Variants in WDR7 observed in about 807,000 individuals in gnomAD.
WDR7 encodes WD repeat domain 7.
A neutral mutation model predicts 169.4 loss-of-function variants in WDR7; 46 were observed. The observed-to-expected ratio is 0.27, with a 90% confidence interval of 0.21 to 0.35. WDR7 has a LOEUF of 0.35. WDR7 is among the 10% of genes least tolerant of loss of function. The pLI, the probability that WDR7 is intolerant of heterozygous loss-of-function variation, is 1.00. For synonymous variants in WDR7, 612 were observed against 666.8 expected, an observed-to-expected ratio of 0.92 and a Z score of 1.27; for missense variants, 1,534 against 1,859.3, an observed-to-expected ratio of 0.83 and a Z score of 3.22.
chr18:56,882,341 T>A (rs2046120730), intron 21 of WDR7, among the ~76,000 whole-genome samples: 1 of 152,216 alleles, frequency 6.6e-6, no homozygotes. Flanking sequence ...GCTTTCAAAC[T>A]TTTTTGCTCA....
chr18:56,697,094 G>A (rs1324436902), intron 12 of WDR7, among the ~76,000 whole-genome samples: 1 of 151,996 alleles, frequency 6.6e-6, no homozygotes, highest in Non-Finnish European at 1.5e-5. Flanking sequence ...ATTAATCATG[G>A]GACTTATTCA....
intron 5 of WDR7, among the ~76,000 whole-genome samples, chr18:56,683,311 T>C (rs1376216320): frequency 1.3e-5 from 2 of 152,236 alleles, no homozygotes; most frequent in African/African-American, 4.8e-5. Context: ...GGGGCTGATA[T>C]GTACTTGATG....
chr18:56,792,688 T>A (rs1401055411), intron 19 of WDR7, among the ~76,000 whole-genome samples: 1 of 147,122 alleles, frequency 6.8e-6, no homozygotes, highest in Non-Finnish European at 1.5e-5. Context: ...TCTTTTGGGG[T>A]TCTATCTAGC....
intron 21 of WDR7, among the ~76,000 whole-genome samples, chr18:56,920,732 A>G (rs1464941461): frequency 2.0e-5 from 3 of 152,210 alleles, no homozygotes; most frequent in Admixed American, 6.5e-5. Flanking sequence ...ATTAGATTCT[A>G]TCTTATACAG....
intron 14 of WDR7, among the ~76,000 whole-genome samples, chr18:56,750,866 T>A (rs1416093769): frequency 6.6e-6 from 1 of 152,182 alleles, no homozygotes; most frequent in African/African-American, 2.4e-5. Context: ...CTCACAACTT[T>A]GCTGCATACC....
intron 26 of WDR7, among the ~76,000 whole-genome samples, chr18:56,994,016 C>CTTTTTTTT (rs35579782): frequency 3.1e-5 from 4 of 129,204 alleles, no homozygotes; most frequent in Non-Finnish European, 4.8e-5. Context: ...CTTTTTTTTT[C>CTTTTTTTT]TTTTTTTTTT....
Position 56,718,135 on chromosome 18 carries a change from G to A in WDR7, c.1750G>A (p.Val584Met). Reference sequence around the variant, plus strand: ...GGTGGTGGGGTGTTCAGATGGTTCTGTGTACGTCTGGCAAATGGATACTGG... The same window carrying A: ...GGTGGTGGGGTGTTCAGATGGTTCTATGTACGTCTGGCAAATGGATACTGG... Reference protein sequence around the residue: ...YLVVGCSDGSVYVWQMDTGAL... With the variant: ...YLVVGCSDGSMYVWQMDTGAL... Residue 584 changes from valine to methionine, a missense_variant, in exon 13 of 28, where the codon GTG (valine) becomes ATG (methionine). Physicochemically the swap from Val to Met is conservative, Grantham distance 21. Transcript: ENST00000254442. The A allele has an allele frequency of 1.9e-6, 3 of 1,613,012 alleles. No individual in the cohort carries two copies. The South Asian group carries it at 3.3e-5, about 18-fold the overall frequency.
chr18:56,997,517 G>A (rs2047914972), intron 26 of WDR7, among the ~76,000 whole-genome samples: 2 of 152,186 alleles, frequency 1.3e-5, no homozygotes, highest in African/African-American at 2.4e-5. Flanking sequence ...TATCCAAAGG[G>A]TGCTTATCTC....
intron 20 of WDR7, among the ~76,000 whole-genome samples, chr18:56,855,243 T>C (rs910838770): frequency 7.9e-5 from 12 of 151,428 alleles, no homozygotes; most frequent in East Asian, 5.8e-4. Context: ...TGTTTTTTTT[T>C]CCCCCCATTG....
At position 56,891,274 on chromosome 18, in the gene WDR7, T is replaced by G. The variant is rs2046259656; in HGVS notation, c.3526+11109T>G. ...GGTAGTTCAGCCTTTTTATTGTGAT[T>G]TTGTTATTTGGGAACCAGAGCTTGG... On this transcript the variant is annotated intron_variant, in intron 21 of 27. Coordinates refer to ENST00000254442, the MANE Select transcript of WDR7 (RefSeq NM_015285.3). 1.3e-5 allele frequency among the ~76,000 whole-genome samples: 2 copies of G among 152,186 alleles called. 1 individual carries two copies. The highest frequency in any genetic ancestry group is 4.1e-4 in the South Asian group (2 of 4,830).
chr18:56,713,833 T>C (rs2026134340), intron 12 of WDR7, among the ~76,000 whole-genome samples: 1 of 152,188 alleles, frequency 6.6e-6, no homozygotes, highest in Admixed American at 6.5e-5. Flanking sequence ...GGAAGAAATA[T>C]GAGTTATAAA....
downstream of WDR7, chr18:57,032,815 A>T (rs1464673077): frequency 1.3e-5 from 1 of 76,974 alleles, no homozygotes; most frequent in African/African-American, 1.2e-4. Flanking sequence ...ATATATATAT[A>T]TATATATATA....
At chr18:56,947,953 T>A (rs2047129462) in intron 25 of WDR7, among the ~76,000 whole-genome samples, 1 of 152,230 alleles carries the variant, frequency 6.6e-6, no homozygotes, top group South Asian at 2.1e-4. Flanking sequence ...CTTCTACAAA[T>A]ATAATGTACT....
rs60321205 is a variant in WDR7 at position 56,743,861 on chromosome 18, G to A, written c.1989+12264G>A. Among the ~76,000 whole-genome samples, 1,130 of 152,240 alleles carry A rather than the reference G, an allele frequency of 7.4e-3. 14 individuals carry two copies. Among genetic ancestry groups the A allele is most frequent in the African/African-American group, 0.024 (1,016 of 41,536 alleles). On this transcript the variant is annotated intron_variant, in intron 14 of 27. Transcript: ENST00000254442. ...ATAATTGATGAAGCTAGGTTTCCAG[G>A]GGATGAGAGAGTGGGCGATTTCAAA...
intron 14 of WDR7, among the ~76,000 whole-genome samples, chr18:56,733,169 C>T (rs1353200518): frequency 6.6e-6 from 1 of 152,086 alleles, no homozygotes; most frequent in Non-Finnish European, 1.5e-5. Context: ...TGCTTGTGAA[C>T]CTCCTTAGTC....
Position 57,027,467 on chromosome 18 carries a change from G to A in WDR7, c.*260G>A. The stretch of plus-strand genomic sequence containing the variant: ...AGGTAGTTTTTCCCTGCCAGAGATG[G>A]CAGGGGAAAGCCAGTGGTTCCTGGG... On this transcript the variant is annotated 3_prime_UTR_variant, in exon 28 of 28. Coordinates refer to ENST00000254442, the MANE Select transcript of WDR7 (RefSeq NM_015285.3). The A allele has an allele frequency of 1.9e-6, 1 of 516,300 alleles. No homozygotes were observed. The highest frequency in any genetic ancestry group is 3.4e-6 in the Non-Finnish European group (1 of 291,470). 32.0% of individuals were successfully genotyped at this position (516,300 alleles called of 1,614,324 possible).
chr18:56,922,955 A>G (rs1335934582), intron 21 of WDR7, among the ~76,000 whole-genome samples: 1 of 152,198 alleles, frequency 6.6e-6, no homozygotes, highest in Non-Finnish European at 1.5e-5. Context: ...GTAGTATGAG[A>G]AAAGTCAGGC....
intron 21 of WDR7, among the ~76,000 whole-genome samples, chr18:56,902,713 T>A (rs1372169446): frequency 1.3e-5 from 2 of 152,198 alleles, no homozygotes; most frequent in Non-Finnish European, 1.5e-5. Context: ...GTGCACCAGC[T>A]TTTTAAAGCA....
At chr18:56,803,587 A>G (rs765799588) in intron 19 of WDR7, among the ~76,000 whole-genome samples, 12 of 152,210 alleles carry the variant, frequency 7.9e-5, no homozygotes, top group Non-Finnish European at 1.5e-4. Context: ...TTAAAAAGGC[A>G]TAAGTAAATG....
Sources: allele counts gnomAD v4.1 joint callset (sites outside exome capture counted in the v4.1 genomes callset), GRCh38; gene constraint gnomAD v4.1.1; transcripts MANE v1.5; gene names NCBI Gene and HGNC (gene_info 2026-07-23, HGNC 2026-07-21).